The following RNASE4 variants were observed in gnomAD, a reference collection of about 807,000 sequenced individuals.
RNASE4 encodes the protein ribonuclease 4.
For missense variants in RNASE4, 194 were observed against 192.8 expected, an observed-to-expected ratio of 1.01 and a Z score of -0.04; for synonymous variants, 93 against 71.4, an observed-to-expected ratio of 1.30 and a Z score of -1.52.
At chr14:20,692,327 C>T (rs1886801140) in intron 1 of RNASE4, among the ~76,000 whole-genome samples, 1 of 152,220 alleles carries the variant, frequency 6.6e-6, no homozygotes, top group Non-Finnish European at 1.5e-5. Context: ...GGTAGGTCTG[C>T]TTCCCTTCAA....
Position 20,699,989 on chromosome 14 carries a change from A to T in RNASE4, c.*174A>T, listed in dbSNP as rs1283049126. On this transcript the variant is annotated 3_prime_UTR_variant, in exon 2 of 2. Transcript: ENST00000555835. Reference sequence around the variant, plus strand: ...TTGCACCAAAGAGATATGGAGACATAAACCTGTAATGAATGAGGCTGGGCT... The same window carrying T: ...TTGCACCAAAGAGATATGGAGACATTAACCTGTAATGAATGAGGCTGGGCT... The T allele has an allele frequency of 4.8e-6, 3 of 631,240 alleles. No homozygotes were observed. Among genetic ancestry groups the T allele is most frequent in the Non-Finnish European group, 8.4e-6 (3 of 355,782 alleles). 39.1% of individuals were successfully genotyped at this position (631,240 alleles called of 1,614,324 possible). A position where few individuals can be genotyped will look rare whatever the true frequency, so the allele number is the denominator to read the frequency against.
intron 1 of RNASE4, among the ~76,000 whole-genome samples, chr14:20,686,538 G>A (rs894365356): frequency 2.0e-5 from 3 of 152,150 alleles, no homozygotes; most frequent in South Asian, 2.1e-4. Flanking sequence ...AGTTATTCCC[G>A]GAAGAATGCC....
Position 20,699,342 on chromosome 14 carries a change from C to T in RNASE4, c.-17-13C>T. The T allele has an allele frequency of 6.5e-7, 1 of 1,543,764 alleles. No homozygotes were observed. Among genetic ancestry groups the T allele is most frequent in the Non-Finnish European group, 8.7e-7 (1 of 1,147,980 alleles). On this transcript the variant is annotated splice_polypyrimidine_tract_variant and intron_variant, in intron 1 of 1. Transcript: ENST00000555835. The stretch of plus-strand genomic sequence containing the variant: ...CTTACCTTATTTCTCCTGCCCCTTG[C>T]TTTCTTTTCTAGGCACCTCTAAGAT...
intron 1 of RNASE4, among the ~76,000 whole-genome samples, chr14:20,695,948 A>G (rs563451470): frequency 1.3e-5 from 2 of 152,316 alleles, no homozygotes; most frequent in South Asian, 4.1e-4. Flanking sequence ...TCACTAGAAA[A>G]TTTGCCATAT....
In RNASE4 at chr14:20,698,052, G is replaced by A. The variant is rs1051015683; in HGVS notation, c.-17-1303G>A. Reference sequence around the variant, plus strand: ...TGAATATTTTGGGTGTGGGATGAGAGAGGCAGTAGATAGTGGAAAGAGCAC... The same window carrying A: ...TGAATATTTTGGGTGTGGGATGAGAAAGGCAGTAGATAGTGGAAAGAGCAC... On this transcript the variant is annotated intron_variant, in intron 1 of 1. Coordinates refer to ENST00000555835, the MANE Select transcript of RNASE4 (RefSeq NM_002937.5). Among the ~76,000 whole-genome samples, 24 of 152,316 alleles carry A rather than the reference G, an allele frequency of 1.6e-4. 1 individual carries two copies. Among genetic ancestry groups the A allele is most frequent in the Admixed American group, 2.6e-4 (4 of 15,304 alleles).
At chr14:20,688,279 G>A (rs1440259896) in intron 1 of RNASE4, among the ~76,000 whole-genome samples, 2 of 152,192 alleles carry the variant, frequency 1.3e-5, no homozygotes, top group Non-Finnish European at 2.9e-5. Flanking sequence ...TTTCCTGGCT[G>A]TATGAAATCG....
In RNASE4 at chr14:20,699,977, A is replaced by G; in HGVS notation, c.*162A>G. The G allele has an allele frequency of 1.5e-6, 1 of 645,504 alleles. No individual in the cohort carries two copies. The highest frequency in any genetic ancestry group is 2.7e-6 in the Non-Finnish European group (1 of 366,152). 40.0% of individuals were successfully genotyped at this position (645,504 alleles called of 1,614,324 possible). A position where few individuals can be genotyped will look rare whatever the true frequency, so the allele number is the denominator to read the frequency against. On this transcript the variant is annotated 3_prime_UTR_variant, in exon 2 of 2. Transcript: ENST00000555835. ...CTATTAAATACATTGCACCAAAGAG[A>G]TATGGAGACATAAACCTGTAATGAA...
At chr14:20,685,047 C>T (rs1487151162) in intron 1 of RNASE4, among the ~76,000 whole-genome samples, 3 of 152,128 alleles carry the variant, frequency 2.0e-5, no homozygotes, top group African/African-American at 7.2e-5. Context: ...CTAAGGGAAG[C>T]CCTAGGAGGC....
At position 20,694,012 on chromosome 14, in the gene RNASE4, G is replaced by A. The variant is rs753565970; in HGVS notation, c.-17-5343G>A. On this transcript the variant is annotated intron_variant, in intron 1 of 1. Transcript: ENST00000555835. ...GTCAATTTTCCGTCGTCCGTAACCA[G>A]CGGGCCCCTGGTCAAGTGCTGGCTC... The A allele has an allele frequency of 1.6e-5, 26 of 1,614,004 alleles. No homozygotes were observed. The highest frequency in any genetic ancestry group is 2.1e-5 in the Non-Finnish European group (25 of 1,180,042).
intron 1 of RNASE4, among the ~76,000 whole-genome samples, chr14:20,687,938 G>T (rs1376384537): frequency 6.6e-6 from 1 of 152,164 alleles, no homozygotes; most frequent in Non-Finnish European, 1.5e-5. Context: ...AATGCTGGGG[G>T]TCTGTGAAAC....
intron 1 of RNASE4, among the ~76,000 whole-genome samples, chr14:20,690,508 G>A (rs1341656181): frequency 6.6e-6 from 1 of 152,122 alleles, no homozygotes; most frequent in African/African-American, 2.4e-5. Context: ...TTTTGAGTGA[G>A]GGAGCAGATG....
At chr14:20,687,006 ATC>A (rs1886456749) in intron 1 of RNASE4, among the ~76,000 whole-genome samples, 1 of 152,182 alleles carries the variant, frequency 6.6e-6, no homozygotes, top group Admixed American at 6.5e-5. Flanking sequence ...AGAGAAAAAA[ATC>A]TCCAGGAAAG....
Position 20,686,941 on chromosome 14 carries a change from C to T in RNASE4, c.-18+2183C>T, listed in dbSNP as rs8003273. ...GCTCTAACACTAGGGTCCTTGGAAACAGGACCCGTGCATCCCGTGTCTGTG... is the reference window on the plus strand; with the variant it reads ...GCTCTAACACTAGGGTCCTTGGAAATAGGACCCGTGCATCCCGTGTCTGTG... On this transcript the variant is annotated intron_variant, in intron 1 of 1. Coordinates refer to ENST00000555835, the MANE Select transcript of RNASE4 (RefSeq NM_002937.5). Among the ~76,000 whole-genome samples the T allele has an allele frequency of 7.2e-3, 1,098 of 152,280 alleles. 16 individuals are homozygous for T. Among genetic ancestry groups the T allele is most frequent in the African/African-American group, 0.025 (1,030 of 41,544 alleles).
Position 20,699,749 on chromosome 14 carries a change from G to T in RNASE4, c.378G>T (p.Ala126=). 6.2e-7 allele frequency: 1 copy of T among 1,611,682 alleles called. No individual in the cohort carries two copies. Among genetic ancestry groups the T allele is most frequent in the East Asian group, 2.2e-5 (1 of 44,890 alleles). The change falls in exon 2 of 2, where the codon GCG becomes GCT. Residue 126 remains alanine, a synonymous_variant. Coordinates refer to ENST00000555835, the MANE Select transcript of RNASE4 (RefSeq NM_002937.5). The stretch of plus-strand genomic sequence containing the variant: ...CCAACTGCAGATATCGGGCCATAGC[G>T]AGCACTAGACGTGTTGTCATTGCCT... The part of the protein sequence containing the change: ...RAPNCRYRAI[A]STRRVVIACE...
At chr14:20,685,592 C>T (rs962877196) in intron 1 of RNASE4, among the ~76,000 whole-genome samples, 1 of 152,132 alleles carries the variant, frequency 6.6e-6, no homozygotes, top group Non-Finnish European at 1.5e-5. Context: ...TTATTACATA[C>T]GCTTCAATTC....
chr14:20,697,396 C>G (rs905927216), intron 1 of RNASE4, among the ~76,000 whole-genome samples: 6 of 152,192 alleles, frequency 3.9e-5, no homozygotes, highest in African/African-American at 1.2e-4. Context: ...AACATCTGCC[C>G]TTCCTCCCAC....
intron 1 of RNASE4, among the ~76,000 whole-genome samples, chr14:20,698,197 C>T (rs778146240): frequency 4.0e-5 from 6 of 151,384 alleles, no homozygotes; most frequent in Admixed American, 3.3e-4. Context: ...TTTTTTAATG[C>T]TATAAAATAT....
At chr14:20,689,771 C>G (rs1886614627) in intron 1 of RNASE4, among the ~76,000 whole-genome samples, 1 of 151,866 alleles carries the variant, frequency 6.6e-6, no homozygotes. Context: ...ACAAAATTAG[C>G]CAAGCGTGGT....
chr14:20,693,698 G>A (rs954462835), intron 1 of RNASE4: 4 of 1,614,036 alleles, frequency 2.5e-6, no homozygotes, highest in South Asian at 2.2e-5. Flanking sequence ...CCACAGGGCC[G>A]GGATGACAGA....
Sources: gnomAD v4.1 joint callset for allele counts (sites outside exome capture counted in the v4.1 genomes callset) on GRCh38, gnomAD v4.1.1 for gene constraint, MANE v1.5 for transcripts, NCBI Gene and HGNC (gene_info 2026-07-23, HGNC 2026-07-21) for gene names.